The following ARMH4 variants were observed in gnomAD, a reference collection of about 807,000 sequenced individuals.
ARMH4 encodes the protein armadillo like helical domain containing 4.
A neutral mutation model predicts 61.9 loss-of-function variants in ARMH4; 49 were observed. The observed-to-expected ratio is 0.79, with a 90% CI of 0.63 to 1.00. ARMH4 has a LOEUF of 1.00. ARMH4 is among the 50% of genes least tolerant of loss of function. The probability of loss-of-function intolerance (pLI) is 0.00; values close to 1 mark genes in which losing one functional copy is unlikely to be tolerated. For synonymous variants in ARMH4, 368 were observed against 341.5 expected, an observed-to-expected ratio of 1.08 and a Z score of -0.85; for missense variants, 934 against 930.0, an observed-to-expected ratio of 1.00 and a Z score of -0.06.
At chr14:58,064,976 G>GTA (rs1219602488) in intron 5 of ARMH4, among the ~76,000 whole-genome samples, 1 of 152,158 alleles carries the variant, frequency 6.6e-6, no homozygotes, top group Non-Finnish European at 1.5e-5. Context: ...AGGTGTGGTG[G>GTA]TTTATGCCTG....
intron 5 of ARMH4, among the ~76,000 whole-genome samples, chr14:58,032,675 G>A (rs1392574367): frequency 6.8e-6 from 1 of 146,834 alleles, no homozygotes; most frequent in Non-Finnish European, 1.5e-5. Context: ...CAGACAGTGG[G>A]CGCAGGCCAG....
rs71448942 is a variant in ARMH4 at position 58,132,581 on chromosome 14, C to CTTT, written c.1621+506_1621+508dup. 8.4e-4 allele frequency among the ~76,000 whole-genome samples: 72 copies of CTTT among 86,062 alleles called. 3 individuals carry two copies. The highest frequency in any genetic ancestry group is 1.1e-3 in the Non-Finnish European group (46 of 43,252). The allele number at this position is 86,062 out of a possible 152,430, so 56.5% of individuals were successfully genotyped here. The stretch of plus-strand genomic sequence containing the variant: ...TTACTTACAAACTAAACCCTTGTCC[C>CTTT]TTTTTTTTTTTTTTTTTTTTTTTGG... On this transcript the variant is annotated intron_variant, in intron 3 of 7. Transcript: ENST00000267485.
rs75661238 is a variant in ARMH4, at chr14:58,005,402, T to C, written c.2122-220A>G. 6.0e-3 allele frequency among the ~76,000 whole-genome samples: 918 copies of C among 152,256 alleles called. 12 individuals are homozygous for C. Among genetic ancestry groups the C allele is most frequent in the African/African-American group, 0.02 (848 of 41,548 alleles). On this transcript the variant is annotated intron_variant, in intron 6 of 7. Coordinates refer to ENST00000267485, the MANE Select transcript of ARMH4 (RefSeq NM_001001872.4). ...GGGATATTTCAAATACATAGAAGTATTGAAATAAATCAGCCAGACCTAGTG... is the reference window on the plus strand; with the variant it reads ...GGGATATTTCAAATACATAGAAGTACTGAAATAAATCAGCCAGACCTAGTG...
chr14:58,096,893 T>C lies in ARMH4; in HGVS notation c.1920A>G (p.Ala640=). 6.2e-7 allele frequency: 1 copy of C among 1,614,186 alleles called. No homozygotes were observed. The highest frequency in any genetic ancestry group is 8.5e-7 in the Non-Finnish European group (1 of 1,180,028). Residue 640 remains alanine, a synonymous_variant, in exon 5 of 8, where the codon GCA becomes GCG. Transcript: ENST00000267485. ...CATCCAAGCCCTCATCCAGCGAGTC[T>C]GCATCTTTATCTTCCTCATCTTCTT... The part of the protein sequence containing the change: ...DEEEDEEDKD[A]DSLDEGLDGD...
At chr14:58,035,104 T>C (rs1447691783) in intron 5 of ARMH4, among the ~76,000 whole-genome samples, 5 of 148,156 alleles carry the variant, frequency 3.4e-5, no homozygotes, top group Non-Finnish European at 6.0e-5. Context: ...AATATACATT[T>C]TTTTCAGCAC....
At chr14:58,093,444 A>C (rs995927146) in intron 5 of ARMH4, among the ~76,000 whole-genome samples, 4 of 152,142 alleles carry the variant, frequency 2.6e-5, no homozygotes, top group Non-Finnish European at 5.9e-5. Flanking sequence ...CTCCTGCCTC[A>C]GCCTCTTAAA....
chr14:58,097,287 C>T (rs1339411064), intron 4 of ARMH4, among the ~76,000 whole-genome samples: 1 of 152,116 alleles, frequency 6.6e-6, no homozygotes, highest in Non-Finnish European at 1.5e-5. Context: ...AGTAAACATC[C>T]CCTTGCTGTT....
intron 5 of ARMH4, among the ~76,000 whole-genome samples, chr14:58,071,963 A>G (rs996199223): frequency 2.6e-5 from 4 of 152,208 alleles, no homozygotes; most frequent in African/African-American, 4.8e-5. Context: ...ACCTTTTTAC[A>G]TGCTATTTTA....
At chr14:58,101,288 A>G (rs1022910139) in intron 4 of ARMH4, 1 of 152,722 alleles carries the variant, frequency 6.5e-6, no homozygotes, top group African/African-American at 2.4e-5. Flanking sequence ...TTGGGCATGG[A>G]AGTGCCTAGA....
intron 4 of ARMH4, among the ~76,000 whole-genome samples, chr14:58,102,566 C>A (rs1216036461): frequency 6.6e-6 from 1 of 151,328 alleles, no homozygotes; most frequent in Non-Finnish European, 1.5e-5. Flanking sequence ...AATCCCAGCA[C>A]TTTGGGAGGC....
chr14:58,096,090 A>G (rs541219833), intron 5 of ARMH4, among the ~76,000 whole-genome samples: 1 of 152,240 alleles, frequency 6.6e-6, no homozygotes, highest in South Asian at 2.1e-4. Context: ...GTCTCTCACC[A>G]CAAGCACGGG....
In ARMH4 at chr14:58,003,846, T is replaced by C. The variant is rs1213590666; in HGVS notation, c.*890A>G. ...AATACAACACTCTGAATTAGTCACA[T>C]TAGCAGCCACATAAGCATAGAACCA... On this transcript the variant is annotated 3_prime_UTR_variant, in exon 8 of 8. Coordinates refer to ENST00000267485, the MANE Select transcript of ARMH4 (RefSeq NM_001001872.4). 1 of 152,226 alleles carries C rather than the reference T, an allele frequency of 6.6e-6. No individual in the cohort carries two copies. The highest frequency in any genetic ancestry group is 6.5e-5 in the Admixed American group (1 of 15,280). 9.4% of individuals were successfully genotyped at this position (152,226 alleles called of 1,614,324 possible).
At position 58,138,685 on chromosome 14, in the gene ARMH4, A is replaced by G; in HGVS notation, c.674T>C (p.Phe225Ser). 1.9e-6 allele frequency: 3 copies of G among 1,614,068 alleles called. No homozygotes were observed. Among genetic ancestry groups the G allele is most frequent in the Non-Finnish European group, 2.5e-6 (3 of 1,180,006 alleles). ...TGTCCTGTGGTCTGTGTCTGCTTCA[A>G]ATTTCTCAGTCTTTGGATTGGTGGT... ...MLTTNPKTEK[F>S]EADTDHRTTS... The change falls in exon 2 of 8, where the codon TTT becomes TCT. Residue 225 changes from phenylalanine (F) to serine (S), a missense_variant. Transcript: ENST00000267485.
intron 4 of ARMH4, among the ~76,000 whole-genome samples, chr14:58,127,878 G>A (rs924728823): frequency 1.1e-3 from 162 of 152,268 alleles, no homozygotes; most frequent in African/African-American, 3.6e-3. Flanking sequence ...AGGGAGGACC[G>A]TCAAAGACTT....
chr14:58,015,368 T>C (rs867459789), intron 5 of ARMH4, among the ~76,000 whole-genome samples: 1 of 152,178 alleles, frequency 6.6e-6, no homozygotes, highest in Non-Finnish European at 1.5e-5. Flanking sequence ...GTAAGTATTC[T>C]GGTGGGCACA....
At chr14:58,014,948 A>T (rs1882551390) in intron 5 of ARMH4, among the ~76,000 whole-genome samples, 1 of 152,204 alleles carries the variant, frequency 6.6e-6, no homozygotes, top group African/African-American at 2.4e-5. Flanking sequence ...GGAGGCAGGA[A>T]TGTTAATATG....
intron 5 of ARMH4, among the ~76,000 whole-genome samples, chr14:58,038,590 T>C (rs1238164806): frequency 6.6e-6 from 1 of 151,706 alleles, no homozygotes; most frequent in African/African-American, 2.4e-5. Flanking sequence ...ATACTTAAAT[T>C]CCATTATCAA....
intron 5 of ARMH4, among the ~76,000 whole-genome samples, chr14:58,031,808 C>T (rs932095438): frequency 1.3e-5 from 2 of 152,156 alleles, no homozygotes; most frequent in Admixed American, 6.5e-5. Flanking sequence ...CCATTGTTTC[C>T]TATCATATAC....
chr14:58,046,719 C>T (rs1382726029), intron 5 of ARMH4, among the ~76,000 whole-genome samples: 3 of 152,200 alleles, frequency 2.0e-5, no homozygotes, highest in African/African-American at 7.2e-5. Context: ...AATTCATATA[C>T]TGGCATTTGG....
Sources: allele counts gnomAD v4.1 joint callset (sites outside exome capture counted in the v4.1 genomes callset), GRCh38; gene constraint gnomAD v4.1.1; transcripts MANE v1.5; gene names NCBI Gene and HGNC (gene_info 2026-07-23, HGNC 2026-07-21).